The following PCDH15 variants were observed in gnomAD, a reference collection of about 807,000 sequenced individuals.
PCDH15 encodes protocadherin-15.
A neutral mutation model predicts 178.5 loss-of-function variants in PCDH15; 129 were observed. The observed-to-expected ratio is 0.72, with a 90% CI of 0.63 to 0.84. PCDH15 has a LOEUF of 0.84. PCDH15 is among the 40% of genes least tolerant of loss of function. The probability of loss-of-function intolerance (pLI) is 0.00; values close to 1 mark genes in which losing one functional copy is unlikely to be tolerated. For synonymous variants in PCDH15, 800 were observed against 732.0 expected, an observed-to-expected ratio of 1.09 and a Z score of -1.50; for missense variants, 2,230 against 2,099.9, an observed-to-expected ratio of 1.06 and a Z score of -1.21.
At chr10:54,262,810 G>A (rs575310011) in intron 8 of PCDH15, among the ~76,000 whole-genome samples, 1 of 152,296 alleles carries the variant, frequency 6.6e-6, no homozygotes, top group East Asian at 1.9e-4. Context: ...GGAGTATCCT[G>A]GCACAGAATG....
chr10:54,636,418 G>C (rs2093854149), intron 2 of PCDH15, among the ~76,000 whole-genome samples: 1 of 151,904 alleles, frequency 6.6e-6, no homozygotes. Flanking sequence ...ATGTTTCTAA[G>C]TGCAGCAGTC....
At chr10:53,969,167 C>T (rs1238956823) in intron 21 of PCDH15, among the ~76,000 whole-genome samples, 1 of 152,080 alleles carries the variant, frequency 6.6e-6, no homozygotes, top group Non-Finnish European at 1.5e-5. Context: ...CCTTAAATGA[C>T]CTGATGGAGC....
chr10:54,174,740 C>A (rs2133685488), intron 13 of PCDH15, among the ~76,000 whole-genome samples: 1 of 104,628 alleles, frequency 9.6e-6, no homozygotes, highest in Non-Finnish European at 1.8e-5. Flanking sequence ...GAGTCTCGTT[C>A]CGTCACCCAG....
chr10:53,808,763 C>T lies in PCDH15; in HGVS notation c.4672-1633G>A, dbSNP rs1360226268. 6 of 1,612,574 alleles carry T rather than the reference C, an allele frequency of 3.7e-6. 1 individual carries two copies. In the South Asian group the frequency reaches 6.6e-5, roughly 18 times the overall value. ...TTTTGGTTTGCATTCTTGCTTCTGT[C>T]ATACGCTGGTACCTGATAGCCCCAT... On this transcript the variant is annotated intron_variant, in intron 37 of 37. Coordinates refer to ENST00000644397, the MANE Select transcript of PCDH15 (RefSeq NM_001384140.1).
chr10:53,874,325 T>C (rs541505532), intron 26 of PCDH15, among the ~76,000 whole-genome samples: 1 of 152,278 alleles, frequency 6.6e-6, no homozygotes, highest in South Asian at 2.1e-4. Flanking sequence ...ACTGCTACTA[T>C]CACCCCAAAC....
chr10:55,172,115 C>T (rs536367223), intron 1 of PCDH15, among the ~76,000 whole-genome samples: 1 of 151,848 alleles, frequency 6.6e-6, no homozygotes, highest in East Asian at 1.9e-4. Context: ...AAGTATTGTG[C>T]TTGCTTTTCT....
chr10:55,132,129 G>T (rs1280360420), intron 2 of PCDH15, among the ~76,000 whole-genome samples: 2 of 152,130 alleles, frequency 1.3e-5, no homozygotes, highest in East Asian at 3.9e-4. Flanking sequence ...AGCCCCAGCC[G>T]TGCCTCCCCT....
rs1213872094 is a variant in PCDH15, at chr10:54,457,358, G to C, written c.157+70454C>G. Reference sequence around the variant, plus strand: ...ATTAAAACCCATAATGTAATGTACTGTTTGACAGCCAAAGACTTTAACAAT... The same window carrying C: ...ATTAAAACCCATAATGTAATGTACTCTTTGACAGCCAAAGACTTTAACAAT... On this transcript the variant is annotated intron_variant, in intron 3 of 37. Coordinates refer to ENST00000644397, the MANE Select transcript of PCDH15 (RefSeq NM_001384140.1). 2.0e-5 allele frequency among the ~76,000 whole-genome samples: 3 copies of C among 152,246 alleles called. No homozygotes were observed. In the East Asian group the frequency reaches 5.8e-4, roughly 29 times the overall value.
chr10:53,893,342 A>C (rs917400841), intron 26 of PCDH15, among the ~76,000 whole-genome samples: 1 of 152,244 alleles, frequency 6.6e-6, no homozygotes, highest in Admixed American at 6.5e-5. Flanking sequence ...TCTGTGTTGT[A>C]ATCAGCCCAA....
At chr10:54,600,721 A>G in intron 2 of PCDH15, 1 of 529,394 alleles carries the variant, frequency 1.9e-6, no homozygotes, top group South Asian at 1.5e-5. Context: ...CCATACGACA[A>G]TTTCAAAATG....
chr10:55,320,142 T>G (rs2132298527), upstream of PCDH15, among the ~76,000 whole-genome samples: 1 of 152,236 alleles, frequency 6.6e-6, no homozygotes, highest in Middle Eastern at 3.4e-3. Flanking sequence ...ACCACATCAC[T>G]TTGTCAATGC....
At chr10:54,231,285 G>T (rs915104574) in intron 9 of PCDH15, among the ~76,000 whole-genome samples, 1 of 152,210 alleles carries the variant, frequency 6.6e-6, no homozygotes, top group Non-Finnish European at 1.5e-5. Flanking sequence ...TCAGGCCTCT[G>T]CTTCAGAGCA....
intron 2 of PCDH15, among the ~76,000 whole-genome samples, chr10:55,528,223 T>G (rs1353789902): frequency 6.6e-6 from 1 of 151,696 alleles, no homozygotes; most frequent in East Asian, 1.9e-4. Flanking sequence ...TTATTATTTA[T>G]TTATTTATTT....
At chr10:55,093,126 C>T (rs184859366) in intron 2 of PCDH15, among the ~76,000 whole-genome samples, 2 of 152,098 alleles carry the variant, frequency 1.3e-5, no homozygotes, top group Admixed American at 6.6e-5. Context: ...ACTCTACAGA[C>T]TGAAAATACA....
chr10:54,488,522 C>G (rs182530609), intron 3 of PCDH15, among the ~76,000 whole-genome samples: 2 of 151,608 alleles, frequency 1.3e-5, no homozygotes, highest in Admixed American at 6.6e-5. Flanking sequence ...TAGTGTTAGA[C>G]AAATCTAAAC....
intron 2 of PCDH15, among the ~76,000 whole-genome samples, chr10:55,536,444 T>C (rs1371307446): frequency 1.3e-5 from 2 of 152,126 alleles, no homozygotes; most frequent in Non-Finnish European, 2.9e-5. Flanking sequence ...TCTTTAAATG[T>C]GAAGGTTTTC....
intron 2 of PCDH15, among the ~76,000 whole-genome samples, chr10:55,587,345 T>A (rs1168462649): frequency 6.6e-6 from 1 of 152,080 alleles, no homozygotes; most frequent in South Asian, 2.1e-4. Context: ...ACAATATTCA[T>A]ATATAAGGCT....
intron 1 of PCDH15, among the ~76,000 whole-genome samples, chr10:54,696,754 T>G (rs1437781280): frequency 6.6e-6 from 1 of 152,130 alleles, no homozygotes; most frequent in African/African-American, 2.4e-5. Flanking sequence ...TATTTTAGCA[T>G]GCCCATTCCT....
chr10:53,821,616 T>A, intron 32 of PCDH15: 1 of 1,236,520 alleles, frequency 8.1e-7, no homozygotes, highest in Non-Finnish European at 1.0e-6. Context: ...TACTTACTTT[T>A]CAAATAAATG....
Sources: gnomAD v4.1 joint callset for allele counts (sites outside exome capture counted in the v4.1 genomes callset) on GRCh38, gnomAD v4.1.1 for gene constraint, MANE v1.5 for transcripts, NCBI Gene and HGNC (gene_info 2026-07-23, HGNC 2026-07-21) for gene names.